The following TMTC1 variants were observed in gnomAD, a reference collection of about 807,000 sequenced individuals.
TMTC1 encodes the protein transmembrane O-mannosyltransferase targeting cadherins 1.
Under a neutral mutation model 104.8 loss-of-function variants are expected in TMTC1, and 73 were observed. The ratio of observed to expected loss-of-function variants is 0.70; its 90% CI spans 0.58 to 0.85. The LOEUF (loss-of-function observed/expected upper bound fraction) is 0.85, where lower values mean the gene tolerates loss of function less well. Ranked by LOEUF, TMTC1 falls within the 40% of genes least tolerant of loss-of-function variation. The pLI, the probability that TMTC1 is intolerant of heterozygous loss-of-function variation, is 0.00. For missense variants in TMTC1, 1,035 were observed against 1,096.1 expected (o/e 0.94, Z 0.79); for synonymous variants, 434 against 428.7 (o/e 1.01, Z -0.15).
intron 7 of TMTC1, among the ~76,000 whole-genome samples, chr12:29,589,052 G>C (rs1289715068): frequency 6.6e-6 from 1 of 152,156 alleles, no homozygotes; most frequent in African/African-American, 2.4e-5. Flanking sequence ...ACAGATAAAA[G>C]CTTAACTATC....
chr12:29,586,453 C>G (rs1267641448), intron 7 of TMTC1, among the ~76,000 whole-genome samples: 1 of 152,050 alleles, frequency 6.6e-6, no homozygotes, highest in Admixed American at 6.5e-5. Context: ...ATTGCCCTGG[C>G]CAGAACTTCC....
chr12:29,776,970 T>G (rs1943724342), intron 1 of TMTC1, among the ~76,000 whole-genome samples: 1 of 152,152 alleles, frequency 6.6e-6, no homozygotes, highest in African/African-American at 2.4e-5. Context: ...ATTGGTAGAC[T>G]AGGGATCAGA....
intron 15 of TMTC1, among the ~76,000 whole-genome samples, chr12:29,515,524 G>C (rs373521983): frequency 6.6e-6 from 1 of 152,028 alleles, no homozygotes; most frequent in African/African-American, 2.4e-5. Context: ...AATCCTCCTT[G>C]CTTCTTCCTC....
chr12:29,726,880 C>T (rs1250776237), intron 5 of TMTC1, among the ~76,000 whole-genome samples: 10 of 152,158 alleles, frequency 6.6e-5, no homozygotes, highest in Admixed American at 4.6e-4. Flanking sequence ...CAAATATCTA[C>T]ACGACTTTTA....
intron 7 of TMTC1, 140 bp downstream of exon 7, chr12:29,604,038 C>A: frequency 8.8e-7 from 1 of 1,139,604 alleles, no homozygotes; most frequent in South Asian, 1.6e-5. Flanking sequence ...TTCTGTGTGG[C>A]TGTTTTTAAA....
intron 8 of TMTC1, 84 bp downstream of exon 8, chr12:29,583,323 C>T (rs1946034620): frequency 7.5e-7 from 1 of 1,325,760 alleles, no homozygotes; most frequent in Admixed American, 2.2e-5. Context: ...TACTGCCAGG[C>T]CCATGTTACC....
intron 6 of TMTC1, among the ~76,000 whole-genome samples, chr12:29,606,381 C>A (rs1167521061): frequency 6.6e-6 from 1 of 152,112 alleles, no homozygotes; most frequent in African/African-American, 2.4e-5. Context: ...TCACAAGAAT[C>A]CTGTATATCA....
At position 29,508,222 on chromosome 12, in the gene TMTC1, A is replaced by G. The variant is rs10492309; in HGVS notation, c.2509-1236T>C. ...ATCCAGGCACTGGCATGTACAACAAAAGGAAGTATTAACAATGACTCTGAT... is the reference window on the plus strand; with the variant it reads ...ATCCAGGCACTGGCATGTACAACAAGAGGAAGTATTAACAATGACTCTGAT... On this transcript the variant is annotated intron_variant, in intron 17 of 17. Coordinates refer to ENST00000539277, the MANE Select transcript of TMTC1 (RefSeq NM_001193451.2). 0.018 allele frequency among the ~76,000 whole-genome samples: 2,708 copies of G among 152,336 alleles called. 142 individuals are homozygous for G. The East Asian group carries it at 0.18, about 10-fold the overall frequency.
chr12:29,512,004 G>T, intron 17 of TMTC1, 39 bp downstream of exon 17: 2 of 1,575,078 alleles, frequency 1.3e-6, no homozygotes, highest in Non-Finnish European at 8.7e-7. Context: ...AAACACAGGG[G>T]GAAAGCCCGG....
At chr12:29,735,560 C>G in intron 5 of TMTC1, among the ~76,000 whole-genome samples, 1 of 152,266 alleles carries the variant, frequency 6.6e-6, no homozygotes, top group Non-Finnish European at 1.5e-5. Context: ...GGATTATATA[C>G]AGTAAAACTA....
At chr12:29,777,543 T>C (rs1943739938) in intron 1 of TMTC1, among the ~76,000 whole-genome samples, 1 of 152,142 alleles carries the variant, frequency 6.6e-6, no homozygotes, top group African/African-American at 2.4e-5. Context: ...GGGACTCACC[T>C]ATAAAAACCC....
chr12:29,728,917 GA>G (rs1374568458), intron 5 of TMTC1, among the ~76,000 whole-genome samples: 1 of 147,032 alleles, frequency 6.8e-6, no homozygotes, highest in African/African-American at 2.5e-5. Context: ...AGAATCACTT[GA>G]ACCCAGGAGG....
chr12:29,613,163 T>C (rs1946888661), intron 6 of TMTC1, among the ~76,000 whole-genome samples: 1 of 152,156 alleles, frequency 6.6e-6, no homozygotes, highest in East Asian at 1.9e-4. Flanking sequence ...GCAGATGGAT[T>C]TGGAAAATCA....
rs146843749 is a variant in TMTC1 at position 29,572,163 on chromosome 12, A to T, written c.1474T>A (p.Phe492Ile). The stretch of plus-strand genomic sequence containing the variant: ...TTGTTCCGACCTTGGTCCTTCAGGA[A>T]ATTGGCATAGTTGTAGTGAACCTTG... Reference protein sequence around the residue: ...NAKVHYNYANFLKDQGRNKEA... With the variant: ...NAKVHYNYANILKDQGRNKEA... Residue 492 changes from phenylalanine (F) to isoleucine (I), a missense_variant, in exon 9 of 18, where the codon TTC (phenylalanine) becomes ATC (isoleucine). Transcript: ENST00000539277. 112 of 1,614,064 alleles carry T rather than the reference A, an allele frequency of 6.9e-5. 1 individual carries two copies. In the African/African-American group the frequency reaches 1.2e-3, roughly 17 times the overall value.
At chr12:29,514,738 G>A in intron 15 of TMTC1, 134 bp from the exon 16 acceptor site, 1 of 960,848 alleles carries the variant, frequency 1.0e-6, no homozygotes, top group Non-Finnish European at 1.5e-6. Context: ...ACAATTCTTG[G>A]TCAGGCGTAG....
intron 4 of TMTC1, among the ~76,000 whole-genome samples, chr12:29,752,303 TTC>T (rs1338793987): frequency 1.3e-5 from 2 of 152,188 alleles, no homozygotes; most frequent in African/African-American, 4.8e-5. Flanking sequence ...CTGTTATGAA[TTC>T]TCTGAGAAAC....
chr12:29,694,843 G>A (rs1291134865), intron 5 of TMTC1, among the ~76,000 whole-genome samples: 3 of 152,098 alleles, frequency 2.0e-5, no homozygotes, highest in Non-Finnish European at 4.4e-5. Context: ...GGGAGGCTGG[G>A]GCAGGAGAAT....
chr12:29,764,973 A>G (rs1943430051), intron 2 of TMTC1, among the ~76,000 whole-genome samples: 2 of 152,094 alleles, frequency 1.3e-5, no homozygotes, highest in African/African-American at 4.8e-5. Context: ...TGCCCTACTC[A>G]TTTGTTCTTT....
At chr12:29,586,936 G>A (rs1231707399) in intron 7 of TMTC1, among the ~76,000 whole-genome samples, 18 of 149,340 alleles carry the variant, frequency 1.2e-4, no homozygotes, top group African/African-American at 1.7e-4. Flanking sequence ...GTATCAGGAT[G>A]ATGCTGGCCT....
Sources: allele counts gnomAD v4.1 joint callset (sites outside exome capture counted in the v4.1 genomes callset), GRCh38; gene constraint gnomAD v4.1.1; transcripts MANE v1.5; gene names NCBI Gene and HGNC (gene_info 2026-07-23, HGNC 2026-07-21).